BAIAP3: variants seen among roughly 807,000 people sequenced by gnomAD.
BAIAP3 encodes the protein BAI1-associated protein 3.
In BAIAP3, 180 loss-of-function variants were observed where a neutral mutation model predicts 149.7. The observed-to-expected ratio is 1.20, with a 90% CI of 1.07 to 1.36. The LOEUF is 1.36. Among genes scored for constraint, BAIAP3 ranks in the 40% most tolerant of loss-of-function variants. BAIAP3 has a pLI of 0.00. For synonymous variants in BAIAP3, 845 were observed against 670.7 expected (o/e 1.26, Z -4.02); for missense variants, 1,767 against 1,563.4 (o/e 1.13, Z -2.20).
At chr16:1,345,194 G>C in intron 21 of BAIAP3, 55 bp from the exon 22 acceptor site, 1 of 1,609,274 alleles carries the variant, frequency 6.2e-7, no homozygotes, top group South Asian at 1.1e-5. Flanking sequence ...AGCCTGGAAC[G>C]TGCTGGTTAA....
intron 3 of BAIAP3, 73 bp from the exon 4 acceptor site, chr16:1,339,091 C>T (rs775571779): frequency 1.3e-6 from 2 of 1,591,302 alleles, no homozygotes; most frequent in Non-Finnish European, 1.7e-6. Context: ...TCCTGGGGCA[C>T]CACCTGTCTT....
chr16:1,335,820 G>T (rs1732257777), intron 1 of BAIAP3, among the ~76,000 whole-genome samples: 1 of 152,160 alleles, frequency 6.6e-6, no homozygotes, highest in African/African-American at 2.4e-5. Flanking sequence ...GTTGCCCCAG[G>T]AGCTTAGCAC....
At chr16:1,334,430 G>A in intron 1 of BAIAP3, 1 of 560,284 alleles carries the variant, frequency 1.8e-6, no homozygotes, top group Non-Finnish European at 3.2e-6. Context: ...GGCGCCCGGG[G>A]CCCCGGGAAA....
At chr16:1,347,075 T>C (rs1000119435) in intron 28 of BAIAP3, 120 bp downstream of exon 28, 6 of 1,001,538 alleles carry the variant, frequency 6.0e-6, no homozygotes, top group South Asian at 4.4e-5. Context: ...ACTCCAGGGC[T>C]GTCCACAGCG....
intron 1 of BAIAP3, chr16:1,336,241 C>T: frequency 1.0e-6 from 1 of 985,384 alleles, no homozygotes; most frequent in East Asian, 1.1e-4. Flanking sequence ...TTCCACCCAG[C>T]AAGGGAGGGG....
chr16:1,344,716 G>C lies in BAIAP3; in HGVS notation c.1757+18G>C. ...TTCCACAGGTGGGCCTGGCCCCTCAGTGCTGTCCTGGGGCTGGGGTCGGAG... is the reference window on the plus strand; with the variant it reads ...TTCCACAGGTGGGCCTGGCCCCTCACTGCTGTCCTGGGGCTGGGGTCGGAG... On this transcript the variant is annotated intron_variant, in intron 19 of 33. Coordinates refer to ENST00000426824, the MANE Select transcript of BAIAP3 (RefSeq NM_001199097.2). 2 of 1,611,788 alleles carry C rather than the reference G, an allele frequency of 1.2e-6. No individual in the cohort carries two copies. The highest frequency in any genetic ancestry group is 1.7e-6 in the Non-Finnish European group (2 of 1,179,722).
Position 1,338,984 on chromosome 16 carries a change from C to T in BAIAP3, c.214C>T (p.Leu72Phe), listed in dbSNP as rs758611781. 4 of 1,612,730 alleles carry T rather than the reference C, an allele frequency of 2.5e-6. No homozygotes were observed. The highest frequency in any genetic ancestry group is 3.3e-5 in the Admixed American group (2 of 59,990). The change falls in exon 3 of 34, where the codon CTC becomes TTC. Residue 72 changes from leucine to phenylalanine, a missense_variant. Transcript: ENST00000426824. ...GGAAGGCAGACAGGGCTTGCCGTGC[C>T]TCGAGGTAAGGGTGCCACCCCCAGG... ...KGEGRQGLPC[L>F]EVPLRSGSPA...
intron 14 of BAIAP3, 146 bp from the exon 15 acceptor site, chr16:1,343,247 G>A: frequency 7.7e-7 from 1 of 1,295,638 alleles, no homozygotes; most frequent in Non-Finnish European, 1.1e-6. Flanking sequence ...AGCGCTAATT[G>A]GAGGGCAGGG....
At chr16:1,347,233 G>T in intron 28 of BAIAP3, 65 bp from the exon 29 acceptor site, 2 of 1,514,874 alleles carry the variant, frequency 1.3e-6, no homozygotes, top group South Asian at 1.2e-5. Context: ...TTGTGCTGGG[G>T]GTCTCTACCT....
chr16:1,348,092 G>A lies in BAIAP3; in HGVS notation c.3150-4G>A, dbSNP rs762907116. On this transcript the variant is annotated splice_polypyrimidine_tract_variant and splice_region_variant and intron_variant, in intron 32 of 33. Coordinates refer to ENST00000426824, the MANE Select transcript of BAIAP3 (RefSeq NM_001199097.2). The stretch of plus-strand genomic sequence containing the variant: ...CGAGACTCCCGACTGGCCTCTGTCC[G>A]CAGTTCCGTGCCTGCCGAGGCGTGC... 1.3e-5 allele frequency: 21 copies of A among 1,601,708 alleles called. No homozygotes were observed. In the African/African-American group the frequency reaches 1.7e-4, roughly 13 times the overall value.
chr16:1,333,722 AGC>A lies in BAIAP3; in HGVS notation c.-37_-36del, dbSNP rs1491139990. 1 of 107,472 alleles carries A rather than the reference AGC, an allele frequency of 9.3e-6. No homozygotes were observed. The highest frequency in any genetic ancestry group is 5.3e-4 in the East Asian group (1 of 1,870). 6.7% of individuals were successfully genotyped at this position (107,472 alleles called of 1,614,324 possible). A position where few individuals can be genotyped will look rare whatever the true frequency, so the allele number is the denominator to read the frequency against. ...CTGGTGCCGAGCGCAGCGCCCCAGG[AGC>A]CCCCCCATCCCCGCGCCGGCCCACG... On this transcript the variant is annotated 5_prime_UTR_variant, in exon 1 of 34. Transcript: ENST00000426824.
chr16:1,343,676 G>A (rs2034094816), intron 15 of BAIAP3, among the ~76,000 whole-genome samples, 163 bp downstream of exon 15: 1 of 152,266 alleles, frequency 6.6e-6, no homozygotes, highest in South Asian at 2.1e-4. Context: ...CTGCAGAAAG[G>A]AGACGGGAGA....
chr16:1,341,581 C>T (rs1292733950), intron 8 of BAIAP3, 92 bp downstream of exon 8: 3 of 1,468,812 alleles, frequency 2.0e-6, no homozygotes, highest in Non-Finnish European at 2.8e-6. Flanking sequence ...CGCAGCAGCT[C>T]CCGGTCTCTT....
In BAIAP3 at chr16:1,348,288, G is replaced by A. The variant is rs774182500; in HGVS notation, c.3342G>A (p.Arg1114=). The A allele has an allele frequency of 6.3e-7, 1 of 1,599,024 alleles. No homozygotes were observed. The highest frequency in any genetic ancestry group is 8.5e-7 in the Non-Finnish European group (1 of 1,173,564). ...AGQPVTLHLC[R]PRAQVRSALR... Reference sequence around the variant, plus strand: ...AGCCTGTCACCCTGCACCTGTGCCGGCCCAGAGCCCAGGGTGAGTGAGCAT... The same window carrying A: ...AGCCTGTCACCCTGCACCTGTGCCGACCCAGAGCCCAGGGTGAGTGAGCAT... Residue 1114 remains arginine (R), a synonymous_variant, in exon 33 of 34, where the codon CGG becomes CGA. Transcript: ENST00000426824.
rs748312215 is a variant in BAIAP3, at chr16:1,344,036, T to C, written c.1401T>C (p.Ala467=). Residue 467 remains alanine (A), a synonymous_variant, in exon 16 of 34, where the codon GCT becomes GCC. Transcript: ENST00000426824. ...SLPQEQEESL[A]DSLSAFSEFG... ...TGTCCCCACAGGAGGAGAGCCTGGC[T>C]GATAGCCTTTCCGCCTTCTCTGAGT... is the stretch of plus-strand genomic sequence containing the variant. 1 of 1,612,468 alleles carries C rather than the reference T, an allele frequency of 6.2e-7. No individual in the cohort carries two copies. Among genetic ancestry groups the C allele is most frequent in the Admixed American group, 1.7e-5 (1 of 60,024 alleles).
In BAIAP3 at chr16:1,349,426, G is replaced by A. The variant is rs1329711227; in HGVS notation, c.*944G>A. ...GTCACCCAGCCTCAAAAATATATGT[G>A]TCTGCAACCCTCAGTCTCTCTGCCG... On this transcript the variant is annotated 3_prime_UTR_variant, in exon 34 of 34. Coordinates refer to ENST00000426824, the MANE Select transcript of BAIAP3 (RefSeq NM_001199097.2). 2.5e-6 allele frequency: 4 copies of A among 1,613,502 alleles called. No individual in the cohort carries two copies. The highest frequency in any genetic ancestry group is 2.5e-6 in the Non-Finnish European group (3 of 1,179,882).
rs2034550363 is a variant in BAIAP3 at position 1,348,526 on chromosome 16, C to A, written c.*44C>A. ...CCGGCCCTGGCCCCCACCCCAAGTTCCCTGAAGCATCCTCCAGCTCACTGT... is the reference window on the plus strand; with the variant it reads ...CCGGCCCTGGCCCCCACCCCAAGTTACCTGAAGCATCCTCCAGCTCACTGT... On this transcript the variant is annotated 3_prime_UTR_variant, in exon 34 of 34. Transcript: ENST00000426824. 1 of 1,545,296 alleles carries A rather than the reference C, an allele frequency of 6.5e-7. No homozygotes were observed. The highest frequency in any genetic ancestry group is 1.4e-5 in the African/African-American group (1 of 73,164).
intron 26 of BAIAP3, 45 bp downstream of exon 26, chr16:1,346,555 G>A (rs975525658): frequency 1.3e-6 from 2 of 1,584,232 alleles, no homozygotes; most frequent in African/African-American, 1.3e-5. Context: ...GTGTACTGGG[G>A]GTAGGGCAGA....
chr16:1,334,593 T>G, intron 1 of BAIAP3: 1 of 1,459,050 alleles, frequency 6.9e-7, no homozygotes, highest in Non-Finnish European at 9.3e-7. Context: ...GGCAGCCGTC[T>G]GAGGCTTCGG....
Sources: allele counts gnomAD v4.1 joint callset (sites outside exome capture counted in the v4.1 genomes callset), GRCh38; gene constraint gnomAD v4.1.1; transcripts MANE v1.5; gene names NCBI Gene and HGNC (gene_info 2026-07-23, HGNC 2026-07-21).